ATRNL1: variants seen among roughly 807,000 people sequenced by gnomAD.
ATRNL1 encodes attractin like 1.
A neutral mutation model predicts 182.7 loss-of-function variants in ATRNL1; 95 were observed. That is an observed-to-expected ratio of 0.52 (90% CI 0.44 to 0.62). ATRNL1 has a LOEUF of 0.62. Among genes scored for constraint, ATRNL1 ranks in the 20% least tolerant of loss-of-function variants. The probability of loss-of-function intolerance (pLI) is 0.00; values close to 1 mark genes in which losing one functional copy is unlikely to be tolerated. For missense variants in ATRNL1, 1,471 were observed against 1,679.5 expected, an observed-to-expected ratio of 0.88 and a Z score of 2.17; for synonymous variants, 576 against 568.3, an observed-to-expected ratio of 1.01 and a Z score of -0.19.
At chr10:115,504,029 GT>G (rs759037914) in intron 24 of ATRNL1, among the ~76,000 whole-genome samples, 2 of 151,600 alleles carry the variant, frequency 1.3e-5, no homozygotes, top group African/African-American at 4.8e-5. Flanking sequence ...AAGAAAGAAT[GT>G]TTTTATACAA....
At chr10:115,621,925 A>G (rs76986197) in intron 26 of ATRNL1, among the ~76,000 whole-genome samples, 2,961 of 152,302 alleles carry the variant, frequency 0.019, 63 homozygotes, top group East Asian at 0.12. Context: ...TCAGATCTCA[A>G]ATAAAGTCAG....
intron 5 of ATRNL1, among the ~76,000 whole-genome samples, chr10:115,137,602 G>T (rs1845573095): frequency 6.6e-6 from 1 of 152,170 alleles, no homozygotes. Context: ...GTACAGGGAA[G>T]CTCCCCCTTT....
intron 28 of ATRNL1, among the ~76,000 whole-genome samples, chr10:115,862,859 G>A (rs1010102797): frequency 6.6e-6 from 1 of 151,642 alleles, no homozygotes; most frequent in Non-Finnish European, 1.5e-5. Flanking sequence ...GGAATACACT[G>A]TACCTGTAAG....
chr10:115,642,480 G>C (rs1859318434), intron 26 of ATRNL1, among the ~76,000 whole-genome samples: 1 of 147,004 alleles, frequency 6.8e-6, no homozygotes. Context: ...TTTTGCTCTT[G>C]TGGCCCAGGC....
At chr10:115,121,579 A>G (rs1554871596) in intron 2 of ATRNL1, 120 bp from the exon 3 acceptor site, 4 of 398,902 alleles carry the variant, frequency 1.0e-5, no homozygotes, top group Admixed American at 4.3e-5. Context: ...TTTCTAATAA[A>G]ATACCCTATC....
intron 19 of ATRNL1, among the ~76,000 whole-genome samples, chr10:115,358,110 GT>G (rs1856582420): frequency 6.6e-6 from 1 of 151,648 alleles, no homozygotes; most frequent in Middle Eastern, 3.4e-3. Flanking sequence ...CTTGTTAGAT[GT>G]TACAGATTAC....
At chr10:115,722,466 A>C (rs1161169915) in intron 26 of ATRNL1, among the ~76,000 whole-genome samples, 3 of 152,170 alleles carry the variant, frequency 2.0e-5, no homozygotes, top group African/African-American at 7.2e-5. Flanking sequence ...TTCCTAATTT[A>C]ATGATACTAA....
rs201527550 is a variant in ATRNL1 at position 115,281,496 on chromosome 10, T to C, written c.2233+9T>C. 1.4e-5 allele frequency: 23 copies of C among 1,611,898 alleles called. No homozygotes were observed. In the East Asian group the frequency reaches 4.7e-4, roughly 33 times the overall value. ...ATGCCAGGCTTTACCAGGTAAAGAT[T>C]TCAAAATTTAGTAAATGAGTTTATG... On this transcript the variant is annotated intron_variant, in intron 14 of 28. Coordinates refer to ENST00000355044, the MANE Select transcript of ATRNL1 (RefSeq NM_207303.4).
chr10:115,126,983 G>A (rs1554873695), intron 3 of ATRNL1, among the ~76,000 whole-genome samples: 3 of 152,048 alleles, frequency 2.0e-5, no homozygotes, highest in African/African-American at 7.2e-5. Context: ...GCTTATGTGA[G>A]CAATATTCTG....
At chr10:115,490,070 G>A (rs1221138080) in intron 24 of ATRNL1, among the ~76,000 whole-genome samples, 2 of 152,140 alleles carry the variant, frequency 1.3e-5, no homozygotes, top group East Asian at 1.9e-4. Flanking sequence ...CTTCTGGCTC[G>A]TAGGGTGTCT....
chr10:115,603,894 G>A (rs944163461), intron 26 of ATRNL1, among the ~76,000 whole-genome samples: 3 of 152,106 alleles, frequency 2.0e-5, no homozygotes, highest in Non-Finnish European at 4.4e-5. Context: ...TTTGCCTGCA[G>A]TTTTCAAAGA....
chr10:115,250,246 A>C (rs764952360), intron 10 of ATRNL1, among the ~76,000 whole-genome samples: 23 of 152,192 alleles, frequency 1.5e-4, no homozygotes, highest in Non-Finnish European at 2.8e-4. Context: ...AACTCTCAAC[A>C]CATAGTCACT....
At chr10:115,123,294 T>C (rs1169461580) in intron 3 of ATRNL1, among the ~76,000 whole-genome samples, 2 of 151,980 alleles carry the variant, frequency 1.3e-5, no homozygotes, top group East Asian at 1.9e-4. Flanking sequence ...AAAGATCTCG[T>C]TGGGGGAGTA....
At chr10:115,837,123 T>C (rs1950692925) in intron 27 of ATRNL1, among the ~76,000 whole-genome samples, 1 of 152,214 alleles carries the variant, frequency 6.6e-6, no homozygotes, top group Non-Finnish European at 1.5e-5. Context: ...CACTCTCATA[T>C]ACTTCATTTT....
chr10:115,618,039 C>T (rs782585714), intron 26 of ATRNL1, among the ~76,000 whole-genome samples: 1 of 152,112 alleles, frequency 6.6e-6, no homozygotes, highest in Non-Finnish European at 1.5e-5. Flanking sequence ...TCTCTTTCTC[C>T]TGTTTTGGCT....
At chr10:115,893,701 C>T (rs1447411264) in intron 28 of ATRNL1, among the ~76,000 whole-genome samples, 10 of 152,086 alleles carry the variant, frequency 6.6e-5, no homozygotes, top group Non-Finnish European at 1.5e-5. Context: ...CAGGAGGCTG[C>T]GGCTGGGCAG....
At chr10:115,913,096 A>G (rs894080295) in intron 28 of ATRNL1, among the ~76,000 whole-genome samples, 1 of 152,248 alleles carries the variant, frequency 6.6e-6, no homozygotes, top group African/African-American at 2.4e-5. Context: ...AGAAAAAACT[A>G]TTAGTGGGAT....
chr10:115,797,857 C>CA (rs1325897525), intron 27 of ATRNL1, among the ~76,000 whole-genome samples: 1 of 152,144 alleles, frequency 6.6e-6, no homozygotes, highest in Non-Finnish European at 1.5e-5. Flanking sequence ...GGAGCAAATG[C>CA]AAATTCTTCT....
intron 10 of ATRNL1, among the ~76,000 whole-genome samples, chr10:115,262,162 A>AG (rs1851418975): frequency 6.7e-6 from 1 of 150,184 alleles, no homozygotes; most frequent in African/African-American, 2.5e-5. Context: ...TTGGGAAGAT[A>AG]GGGGGCAGTG....
Sources: allele counts gnomAD v4.1 joint callset (sites outside exome capture counted in the v4.1 genomes callset), GRCh38; gene constraint gnomAD v4.1.1; transcripts MANE v1.5; gene names NCBI Gene and HGNC (gene_info 2026-07-23, HGNC 2026-07-21).